The following PARD3 variants were observed in gnomAD, a reference collection of about 807,000 sequenced individuals.
PARD3 encodes partitioning defective 3 homolog.
In PARD3, 75 loss-of-function variants were observed where a neutral mutation model predicts 155.4. The ratio of observed to expected loss-of-function variants is 0.48; its 90% confidence interval spans 0.40 to 0.58. The LOEUF (loss-of-function observed/expected upper bound fraction) is 0.58, where lower values mean the gene tolerates loss of function less well. Among genes scored for constraint, PARD3 ranks in the 20% least tolerant of loss-of-function variants. PARD3 has a pLI of 0.00. For synonymous variants in PARD3, 576 were observed against 610.5 expected (o/e 0.94, Z 0.83); for missense variants, 1,642 against 1,721.7 (o/e 0.95, Z 0.82).
In PARD3 at chr10:34,643,421, T is replaced by C. The variant is rs149837586; in HGVS notation, c.222+52897A>G. Among the ~76,000 whole-genome samples the C allele has an allele frequency of 3.6e-3, 554 of 152,312 alleles. 3 individuals carry two copies. The highest frequency in any genetic ancestry group is 0.013 in the African/African-American group (527 of 41,572). ...CAAACCTCTGTCCAGTGAAAGTCAG[T>C]CTACATGCATTACAATAGTGCCTCT... On this transcript the variant is annotated intron_variant, in intron 2 of 24. Coordinates refer to ENST00000374788, the MANE Select transcript of PARD3 (RefSeq NM_001184785.2).
chr10:34,186,699 C>T (rs992557775), intron 22 of PARD3, among the ~76,000 whole-genome samples: 1 of 152,132 alleles, frequency 6.6e-6, no homozygotes, highest in Non-Finnish European at 1.5e-5. Context: ...AGATGCCATC[C>T]TGTGACCCGT....
At chr10:34,767,913 C>G (rs912886483) in intron 1 of PARD3, among the ~76,000 whole-genome samples, 1 of 151,518 alleles carries the variant, frequency 6.6e-6, no homozygotes, top group Non-Finnish European at 1.5e-5. Flanking sequence ...AACAGTGAGA[C>G]TCTGTCTCAA....
intron 22 of PARD3, among the ~76,000 whole-genome samples, chr10:34,165,529 CT>C (rs1403982310): frequency 6.6e-6 from 1 of 152,188 alleles, no homozygotes; most frequent in Non-Finnish European, 1.5e-5. Context: ...GGAAAAACCG[CT>C]TTGTTCTTGC....
chr10:34,272,620 C>T (rs1360117350), intron 21 of PARD3, among the ~76,000 whole-genome samples: 1 of 151,996 alleles, frequency 6.6e-6, no homozygotes, highest in Non-Finnish European at 1.5e-5. Context: ...ATCCCAGCCA[C>T]CCAGCTGAGG....
chr10:34,490,427 T>C (rs1034160566), intron 3 of PARD3, among the ~76,000 whole-genome samples: 3 of 152,028 alleles, frequency 2.0e-5, no homozygotes, highest in Admixed American at 6.5e-5. Context: ...AGAGGGTGTG[T>C]GTACACAAAA....
At position 34,683,253 on chromosome 10, in the gene PARD3, G is replaced by T. The variant is rs563363254; in HGVS notation, c.222+13065C>A. On this transcript the variant is annotated intron_variant, in intron 2 of 24. Coordinates refer to ENST00000374788, the MANE Select transcript of PARD3 (RefSeq NM_001184785.2). The stretch of plus-strand genomic sequence containing the variant: ...CGACTCCAAAAGTGGGAGGCGGGGA[G>T]AGAAGCAAGGCTTGCAAAACTATTT... Among the ~76,000 whole-genome samples, 78 of 152,188 alleles carry T rather than the reference G, an allele frequency of 5.1e-4. 1 individual carries two copies. The highest frequency in any genetic ancestry group is 3.3e-3 in the South Asian group (16 of 4,814).
At chr10:34,588,050 C>T (rs1391146736) in intron 2 of PARD3, among the ~76,000 whole-genome samples, 3 of 152,162 alleles carry the variant, frequency 2.0e-5, no homozygotes, top group African/African-American at 7.2e-5. Flanking sequence ...ACCTCCACCC[C>T]TTCCAGGCAT....
rs112889092 is a variant in PARD3, at chr10:34,449,019, C to T, written c.714+1298G>A. 9.9e-4 allele frequency among the ~76,000 whole-genome samples: 148 copies of T among 150,180 alleles called. 6 individuals are homozygous for T. The East Asian group carries it at 0.027, about 28-fold the overall frequency. ...CTGCAAGCTCTGCCTCCCGGGTTCA[C>T]GCCATTCTCCTGCCTCAGCCTCCCC... is the stretch of plus-strand genomic sequence containing the variant. On this transcript the variant is annotated intron_variant, in intron 5 of 24. Transcript: ENST00000374788.
intron 2 of PARD3, among the ~76,000 whole-genome samples, chr10:34,542,407 C>G (rs2083706739): frequency 6.6e-6 from 1 of 152,106 alleles, no homozygotes. Context: ...GACCTCTAAA[C>G]AGTATAGGTC....
chr10:34,646,042 G>A (rs561757727), intron 2 of PARD3, among the ~76,000 whole-genome samples: 2 of 152,108 alleles, frequency 1.3e-5, no homozygotes, highest in African/African-American at 4.8e-5. Flanking sequence ...AAAACATAGC[G>A]AGACGCAGGA....
In PARD3 at chr10:34,384,161, A is replaced by G. The variant is rs1437540713; in HGVS notation, c.984T>C (p.Asn328=). 3.7e-6 allele frequency: 6 copies of G among 1,613,762 alleles called. No individual in the cohort carries two copies. In the African/African-American group the frequency reaches 4.0e-5, roughly 11 times the overall value. ...ATCTTCTATTTCGAAGGTCGCCATC[A>G]TTAATCCTGACAATGCAATCATTCT... ...FRENDCIVRI[N]DGDLRNRRFE... The change falls in exon 8 of 25, where the codon AAT becomes AAC. Residue 328 remains asparagine, a synonymous_variant. Transcript: ENST00000374788.
At chr10:34,271,571 A>G (rs1419363431) in intron 21 of PARD3, among the ~76,000 whole-genome samples, 1 of 152,212 alleles carries the variant, frequency 6.6e-6, no homozygotes, top group Non-Finnish European at 1.5e-5. Context: ...AAGAGCATCT[A>G]CCAAAAACCG....
At chr10:34,580,336 A>G (rs1220581623) in intron 2 of PARD3, among the ~76,000 whole-genome samples, 1 of 152,150 alleles carries the variant, frequency 6.6e-6, no homozygotes, top group East Asian at 1.9e-4. Context: ...CCTAGGCAAC[A>G]TGACGAATCC....
intron 2 of PARD3, among the ~76,000 whole-genome samples, chr10:34,594,243 A>G (rs954729945): frequency 6.6e-6 from 1 of 152,192 alleles, no homozygotes; most frequent in African/African-American, 2.4e-5. Context: ...AGGACCTAGT[A>G]TGTGTATAAT....
At chr10:34,263,564 T>C (rs1337512584) in intron 22 of PARD3, among the ~76,000 whole-genome samples, 2 of 152,080 alleles carry the variant, frequency 1.3e-5, no homozygotes, top group Non-Finnish European at 2.9e-5. Flanking sequence ...GAAGCTGATG[T>C]GGGAGGATTG....
chr10:34,276,686 T>C (rs982254826), intron 21 of PARD3, among the ~76,000 whole-genome samples: 7 of 152,138 alleles, frequency 4.6e-5, no homozygotes, highest in Non-Finnish European at 1.0e-4. Flanking sequence ...CTCCTTAGGA[T>C]GGAAAACCAG....
At chr10:34,418,384 G>C (rs1845872607) in intron 5 of PARD3, among the ~76,000 whole-genome samples, 1 of 152,072 alleles carries the variant, frequency 6.6e-6, no homozygotes, top group Non-Finnish European at 1.5e-5. Flanking sequence ...ATGTTGCCCA[G>C]ACTAGTCTTG....
intron 16 of PARD3, among the ~76,000 whole-genome samples, chr10:34,340,313 G>A (rs577806377): frequency 2.6e-5 from 4 of 152,276 alleles, no homozygotes; most frequent in South Asian, 2.1e-4. Flanking sequence ...TGAACACTGC[G>A]TCTATCTAAT....
chr10:34,807,592 G>A (rs1376444442), intron 1 of PARD3, among the ~76,000 whole-genome samples: 1 of 152,152 alleles, frequency 6.6e-6, no homozygotes, highest in Non-Finnish European at 1.5e-5. Context: ...TCATGTTATA[G>A]GAACAGAATT....
Sources: allele counts gnomAD v4.1 joint callset (sites outside exome capture counted in the v4.1 genomes callset), GRCh38; gene constraint gnomAD v4.1.1; transcripts MANE v1.5; gene names NCBI Gene and HGNC (gene_info 2026-07-23, HGNC 2026-07-21).